The following ACTR3 variants were observed in gnomAD, a reference collection of about 807,000 sequenced individuals.
ACTR3 encodes the protein actin-related protein 3.
ACTR3 carries 12 observed loss-of-function variants against 56.8 expected under a neutral mutation model. The ratio of observed to expected loss-of-function variants is 0.21; its 90% CI spans 0.14 to 0.34. The LOEUF is 0.34. ACTR3 is among the 10% of genes least tolerant of loss of function. The pLI is 1.00. For synonymous variants in ACTR3, 162 were observed against 167.4 expected (o/e 0.97, Z 0.25); for missense variants, 282 against 512.5 (o/e 0.55, Z 4.34).
chr2:113,893,357 G>A (rs1358542185), intron 1 of ACTR3, among the ~76,000 whole-genome samples: 2 of 151,878 alleles, frequency 1.3e-5, no homozygotes, highest in Non-Finnish European at 2.9e-5. Context: ...GCAGTGGCAC[G>A]ATCTCGGCTC....
intron 6 of ACTR3, among the ~76,000 whole-genome samples, chr2:113,939,056 C>T (rs1371645551): frequency 6.6e-6 from 1 of 151,250 alleles, no homozygotes; most frequent in Non-Finnish European, 1.5e-5. Flanking sequence ...CGGAGTTTCG[C>T]TCTGTCGCCC....
intron 7 of ACTR3, among the ~76,000 whole-genome samples, chr2:113,940,360 A>C (rs1679901774): frequency 1.3e-5 from 2 of 152,138 alleles, no homozygotes; most frequent in African/African-American, 4.8e-5. Flanking sequence ...CATTAACATA[A>C]ATTTTTGTGA....
intron 2 of ACTR3, among the ~76,000 whole-genome samples, chr2:113,914,567 C>A (rs1031223586): frequency 6.9e-6 from 1 of 145,278 alleles, no homozygotes; most frequent in Non-Finnish European, 1.5e-5. Context: ...GCTGAGATGG[C>A]GCCACTGCAT....
intron 8 of ACTR3, among the ~76,000 whole-genome samples, chr2:113,942,800 GTCT>G (rs1261531695): frequency 1.3e-5 from 2 of 151,920 alleles, no homozygotes; most frequent in Non-Finnish European, 2.9e-5. Flanking sequence ...TAGCAAAATA[GTCT>G]TCTGTCTATG....
chr2:113,954,046 T>G (rs1055966552), intron 10 of ACTR3: 1 of 152,192 alleles, frequency 6.6e-6, no homozygotes, highest in Non-Finnish European at 1.5e-5. Context: ...ATCCTTCAGC[T>G]TGGGTTTGTT....
intron 8 of ACTR3, chr2:113,951,230 AT>A (rs1680115976): frequency 3.3e-6 from 1 of 301,470 alleles, no homozygotes; most frequent in East Asian, 6.3e-5. Context: ...ATTTACCCAG[AT>A]TTTTGCCAGC....
At position 113,951,566 on chromosome 2, in the gene ACTR3, T is replaced by C; in HGVS notation, c.946T>C (p.Tyr316His). The change falls in exon 9 of 12, where the codon TAC (tyrosine) becomes CAC (histidine). Residue 316 changes from tyrosine to histidine, a missense_variant. By Grantham distance (83) the Tyr-to-His change is moderately conservative (BLOSUM62 2). Transcript: ENST00000263238. Reference sequence around the variant, plus strand: ...TCCTATTGATGTCAGACGTCCTCTCTACAAGGTATTTATAGCAAAATTGTT... The same window carrying C: ...TCCTATTGATGTCAGACGTCCTCTCCACAAGGTATTTATAGCAAAATTGTT... The part of the protein sequence containing the change: ...NCPIDVRRPL[Y>H]KNIVLSGGST... 6.2e-7 allele frequency: 1 copy of C among 1,608,454 alleles called. No homozygotes were observed. The highest frequency in any genetic ancestry group is 8.5e-7 in the Non-Finnish European group (1 of 1,175,430).
chr2:113,917,530 AAATCTAGT>A (rs2104597037), intron 3 of ACTR3, among the ~76,000 whole-genome samples: 1 of 152,294 alleles, frequency 6.6e-6, no homozygotes, highest in African/African-American at 2.4e-5. Flanking sequence ...GAAACAGAAC[AAATCTAGT>A]AACCCTGAAG....
Position 113,949,089 on chromosome 2 carries a change from G to C in ACTR3, c.859-2390G>C, listed in dbSNP as rs150760099. Among the ~76,000 whole-genome samples the C allele has an allele frequency of 1.3e-4, 19 of 151,488 alleles. 1 individual carries two copies. The East Asian group carries it at 3.7e-3, about 30-fold the overall frequency. On this transcript the variant is annotated intron_variant, in intron 8 of 11. Coordinates refer to ENST00000263238, the MANE Select transcript of ACTR3 (RefSeq NM_005721.5). ...TAATTTAGAACTAATCTTAAAAACT[G>C]GAAAAAGGCAGGGCGTGGTGGCTCA... is the stretch of plus-strand genomic sequence containing the variant.
chr2:113,955,365 T>C (rs1680190684), intron 10 of ACTR3: 1 of 283,764 alleles, frequency 3.5e-6, no homozygotes, highest in African/African-American at 2.2e-5. Context: ...ATTTAGATTC[T>C]TAAAGTCAGA....
chr2:113,914,567 C>T (rs1031223586), intron 2 of ACTR3, among the ~76,000 whole-genome samples: 7 of 145,278 alleles, frequency 4.8e-5, no homozygotes, highest in Non-Finnish European at 7.5e-5. Flanking sequence ...GCTGAGATGG[C>T]GCCACTGCAT....
intron 1 of ACTR3, among the ~76,000 whole-genome samples, chr2:113,903,460 A>G (rs995155773): frequency 6.6e-6 from 1 of 151,492 alleles, no homozygotes; most frequent in African/African-American, 2.4e-5. Context: ...TCTGTCTCCC[A>G]GGTTCAGCAA....
intron 1 of ACTR3, among the ~76,000 whole-genome samples, chr2:113,905,998 T>C (rs1214301057): frequency 1.3e-5 from 2 of 152,252 alleles, no homozygotes; most frequent in African/African-American, 4.8e-5. Context: ...CTTTCAGTTC[T>C]TTTGGGTATA....
chr2:113,922,411 G>A (rs1679527547), intron 3 of ACTR3, among the ~76,000 whole-genome samples: 1 of 152,188 alleles, frequency 6.6e-6, no homozygotes. Flanking sequence ...GGCTAAGTAT[G>A]GAATCCATTT....
At chr2:113,897,488 G>A (rs2104580297) in intron 1 of ACTR3, among the ~76,000 whole-genome samples, 1 of 150,208 alleles carries the variant, frequency 6.7e-6, no homozygotes, top group East Asian at 1.9e-4. Flanking sequence ...ACCAGGAAAG[G>A]AATAGCTTGA....
At chr2:113,917,063 C>T in intron 3 of ACTR3, 55 bp downstream of exon 3, 1 of 1,458,472 alleles carries the variant, frequency 6.9e-7, no homozygotes. Flanking sequence ...TTGTTCGATG[C>T]TTGTGCCCTC....
intron 7 of ACTR3, among the ~76,000 whole-genome samples, chr2:113,940,641 T>C (rs1020717807): frequency 2.6e-5 from 4 of 152,096 alleles, no homozygotes; most frequent in Admixed American, 6.5e-5. Flanking sequence ...ATCAAAATAC[T>C]TTAGCATCGT....
chr2:113,951,680 T>G, intron 9 of ACTR3, 40 bp from the exon 10 acceptor site: 1 of 1,493,946 alleles, frequency 6.7e-7, no homozygotes, highest in Non-Finnish European at 9.0e-7. Context: ...TCTTTAAACT[T>G]TTCTCTTTTT....
chr2:113,899,862 G>T (rs2104582196), intron 1 of ACTR3, among the ~76,000 whole-genome samples: 1 of 152,286 alleles, frequency 6.6e-6, no homozygotes, highest in Non-Finnish European at 1.5e-5. Flanking sequence ...TTAGGAAATT[G>T]CCCTGCCTGG....
Sources: allele counts gnomAD v4.1 joint callset (sites outside exome capture counted in the v4.1 genomes callset), GRCh38; gene constraint gnomAD v4.1.1; transcripts MANE v1.5; gene names NCBI Gene and HGNC (gene_info 2026-07-23, HGNC 2026-07-21).